CTNNA2: variants seen among roughly 807,000 people sequenced by gnomAD.
The protein encoded by CTNNA2 is catenin alpha 2.
A neutral mutation model predicts 101.0 loss-of-function variants in CTNNA2; 42 were observed. The observed-to-expected ratio is 0.42, with a 90% CI of 0.32 to 0.54. The LOEUF is 0.54. CTNNA2 is among the 20% of genes least tolerant of loss of function. The pLI is 0.14. For missense variants in CTNNA2, 871 were observed against 1,223.1 expected (o/e 0.71, Z 4.29); for synonymous variants, 450 against 456.4 (o/e 0.99, Z 0.18).
chr2:80,573,914 T>C (rs1410464234), intron 12 of CTNNA2, among the ~76,000 whole-genome samples: 6 of 152,108 alleles, frequency 3.9e-5, no homozygotes, highest in Admixed American at 3.9e-4. Flanking sequence ...TGTGGGCAGG[T>C]TTTAAAAACT....
chr2:79,648,623 C>T (rs1340327974), intron 1 of CTNNA2, among the ~76,000 whole-genome samples: 1 of 152,122 alleles, frequency 6.6e-6, no homozygotes, highest in African/African-American at 2.4e-5. Context: ...TTACCTTCTT[C>T]TACCTTGTGC....
chr2:79,900,611 T>C (rs1685009527), intron 6 of CTNNA2, among the ~76,000 whole-genome samples: 2 of 152,070 alleles, frequency 1.3e-5, no homozygotes. Context: ...CTTCGTTATG[T>C]GGAAAGAAAC....
At chr2:80,641,025 A>C (rs1435040802) in intron 18 of CTNNA2, among the ~76,000 whole-genome samples, 1 of 152,194 alleles carries the variant, frequency 6.6e-6, no homozygotes, top group Admixed American at 6.5e-5. Context: ...ATATTGCAAA[A>C]GGCTAAAGTG....
intron 4 of CTNNA2, among the ~76,000 whole-genome samples, chr2:79,470,671 C>T (rs1480258852): frequency 1.3e-5 from 2 of 152,178 alleles, no homozygotes; most frequent in Non-Finnish European, 2.9e-5. Context: ...ATCACAGAAT[C>T]ATAGATGAAT....
intron 7 of CTNNA2, among the ~76,000 whole-genome samples, chr2:80,088,139 A>G (rs1699562475): frequency 6.6e-6 from 1 of 152,022 alleles, no homozygotes; most frequent in Admixed American, 6.6e-5. Context: ...ACTATTTAAG[A>G]TGTAATCATC....
At chr2:79,538,491 T>C (rs1321647572) in intron 1 of CTNNA2, among the ~76,000 whole-genome samples, 1 of 152,164 alleles carries the variant, frequency 6.6e-6, no homozygotes, top group Non-Finnish European at 1.5e-5. Flanking sequence ...CAAAATACTG[T>C]GGAAGCATGG....
intron 2 of CTNNA2, among the ~76,000 whole-genome samples, chr2:79,260,689 G>T (rs547325110): frequency 1.8e-4 from 28 of 152,166 alleles, no homozygotes; most frequent in African/African-American, 6.3e-4. Flanking sequence ...GGTGCCCCGG[G>T]TGGTTAGAGT....
intron 3 of CTNNA2, among the ~76,000 whole-genome samples, chr2:79,791,007 A>G (rs1427805971): frequency 6.6e-6 from 1 of 152,216 alleles, no homozygotes; most frequent in African/African-American, 2.4e-5. Flanking sequence ...TAAGAGTTGA[A>G]TGAGTCATTT....
intron 12 of CTNNA2, chr2:80,573,478 C>G (rs1179613671): frequency 6.6e-6 from 1 of 152,112 alleles, no homozygotes; most frequent in Non-Finnish European, 1.5e-5. Context: ...GCTGAAATGT[C>G]CCGTGTCTGT....
intron 4 of CTNNA2, among the ~76,000 whole-genome samples, chr2:79,416,257 C>CTTTTTTTT (rs66830925): frequency 3.2e-5 from 3 of 94,648 alleles, no homozygotes; most frequent in Non-Finnish European, 4.2e-5. Flanking sequence ...CTTTCCTTTT[C>CTTTTTTTT]TTTTTTTTTT....
At chr2:80,063,386 T>C (rs1177583833) in intron 7 of CTNNA2, among the ~76,000 whole-genome samples, 1 of 152,190 alleles carries the variant, frequency 6.6e-6, no homozygotes, top group Admixed American at 6.5e-5. Flanking sequence ...TCTTCACTGT[T>C]CAATGGTCTT....
intron 15 of CTNNA2, among the ~76,000 whole-genome samples, chr2:80,591,544 T>C (rs1037886103): frequency 6.7e-6 from 1 of 150,354 alleles, no homozygotes; most frequent in Non-Finnish European, 1.5e-5. Flanking sequence ...TATTTGACCT[T>C]ATACATTGTT....
chr2:80,643,789 T>C (rs1331768160), intron 18 of CTNNA2, among the ~76,000 whole-genome samples: 2 of 152,100 alleles, frequency 1.3e-5, no homozygotes, highest in African/African-American at 4.8e-5. Context: ...CAGTTTCCAG[T>C]GTCTATTTAT....
At chr2:79,421,508 G>A (rs879814281) in intron 4 of CTNNA2, among the ~76,000 whole-genome samples, 1 of 152,112 alleles carries the variant, frequency 6.6e-6, no homozygotes, top group African/African-American at 2.4e-5. Context: ...TAAACCATGA[G>A]TTTTTGGTTT....
intron 4 of CTNNA2, among the ~76,000 whole-genome samples, chr2:79,394,378 G>T (rs1045413624): frequency 1.3e-5 from 2 of 152,136 alleles, no homozygotes; most frequent in Non-Finnish European, 2.9e-5. Flanking sequence ...AGAGCCTTCT[G>T]TGAGTAACAT....
At chr2:79,299,466 A>C (rs1039732212) in intron 2 of CTNNA2, among the ~76,000 whole-genome samples, 44 of 152,172 alleles carry the variant, frequency 2.9e-4, no homozygotes, top group African/African-American at 9.9e-4. Context: ...GGTTAATTGA[A>C]TTTTTATAGA....
intron 7 of CTNNA2, among the ~76,000 whole-genome samples, chr2:80,078,077 C>T (rs750563210): frequency 7.2e-5 from 11 of 152,048 alleles, no homozygotes; most frequent in East Asian, 1.9e-4. Context: ...TGAATCTATC[C>T]GGTGTTTATT....
At chr2:79,282,792 C>A in intron 2 of CTNNA2, among the ~76,000 whole-genome samples, 1 of 119,822 alleles carries the variant, frequency 8.3e-6, no homozygotes, top group African/African-American at 2.7e-5. Flanking sequence ...ATGGCTGGGT[C>A]AAATGGTATT....
At chr2:80,478,722 T>C (rs1685913851) in intron 9 of CTNNA2, among the ~76,000 whole-genome samples, 1 of 152,158 alleles carries the variant, frequency 6.6e-6, no homozygotes, top group African/African-American at 2.4e-5. Context: ...CTTTATTCTG[T>C]TTCATTGGTC....
Sources: gnomAD v4.1 joint callset for allele counts (sites outside exome capture counted in the v4.1 genomes callset) on GRCh38, gnomAD v4.1.1 for gene constraint, MANE v1.5 for transcripts, NCBI Gene and HGNC (gene_info 2026-07-23, HGNC 2026-07-21) for gene names.